The following CACNA1C variants were observed in gnomAD, a reference collection of about 807,000 sequenced individuals.
CACNA1C encodes the protein voltage-dependent L-type calcium channel subunit alpha-1C.
In CACNA1C, 30 loss-of-function variants were observed where a neutral mutation model predicts 229.0. That is an observed-to-expected ratio of 0.13 (90% CI 0.10 to 0.18). The LOEUF is 0.18. Among genes scored for constraint, CACNA1C ranks in the 10% least tolerant of loss-of-function variants. The pLI, the probability that CACNA1C is intolerant of heterozygous loss-of-function variation, is 1.00. For missense variants in CACNA1C, 1,658 were observed against 2,845.0 expected, an observed-to-expected ratio of 0.58 and a Z score of 9.49; for synonymous variants, 1,114 against 1,132.5, an observed-to-expected ratio of 0.98 and a Z score of 0.33.
chr12:2,379,845 A>C (rs1382318660), intron 3 of CACNA1C, among the ~76,000 whole-genome samples: 1 of 150,830 alleles, frequency 6.6e-6, no homozygotes, highest in Non-Finnish European at 1.5e-5. Flanking sequence ...TCCCGGCTAA[A>C]ACGGTGAAAC....
chr12:2,171,800 G>A (rs767036095), intron 3 of CACNA1C, among the ~76,000 whole-genome samples: 1 of 152,156 alleles, frequency 6.6e-6, no homozygotes. Flanking sequence ...AGGGGCATGC[G>A]ACTATCTCAG....
chr12:2,256,205 A>T (rs951751443), intron 3 of CACNA1C, among the ~76,000 whole-genome samples: 1 of 152,174 alleles, frequency 6.6e-6, no homozygotes, highest in African/African-American at 2.4e-5. Flanking sequence ...CCTGGAGGCT[A>T]AGCCCAGGAA....
At chr12:2,519,207 TG>T (rs1266928909) in intron 9 of CACNA1C, among the ~76,000 whole-genome samples, 14 of 152,342 alleles carry the variant, frequency 9.2e-5, no homozygotes, top group African/African-American at 3.4e-4. Context: ...AGGTCCTTCT[TG>T]GGGCTGCCTT....
At chr12:1,984,832 T>C (rs2037220169) in intron 1 of CACNA1C, among the ~76,000 whole-genome samples, 1 of 148,706 alleles carries the variant, frequency 6.7e-6, no homozygotes, top group African/African-American at 2.5e-5. Flanking sequence ...TATCAGAGTA[T>C]ATGTCTTTAT....
chr12:2,681,903 A>G (rs745425229), intron 42 of CACNA1C: 1 of 1,045,508 alleles, frequency 9.6e-7, no homozygotes, highest in Non-Finnish European at 1.5e-6. Context: ...AGGAAAAGGA[A>G]GAGGCCTTGG....
At position 2,549,971 on chromosome 12, in the gene CACNA1C, C is replaced by T. The variant is rs368065584; in HGVS notation, c.1419C>T (p.Ser473=). Residue 473 remains serine, a synonymous_variant, in exon 10 of 47, where the codon TCC becomes TCT. Coordinates refer to ENST00000399655, the MANE Select transcript of CACNA1C (RefSeq NM_000719.7). ...NMSMPTSETE[S]VNTENVAGGD... is the part of the protein sequence containing the mutation. ...GCATGCCCACCAGTGAGACCGAGTC[C>T]GTCAACACCGAAAACGTGGCTGGAG... 2.2e-4 allele frequency: 361 copies of T among 1,606,938 alleles called. No homozygotes were observed. The highest frequency in any genetic ancestry group is 2.8e-4 in the Non-Finnish European group (326 of 1,176,828).
At chr12:2,020,969 G>A (rs908315499) in intron 1 of CACNA1C, among the ~76,000 whole-genome samples, 2 of 152,096 alleles carry the variant, frequency 1.3e-5, no homozygotes, top group Non-Finnish European at 2.9e-5. Flanking sequence ...ACTTCTTGGG[G>A]CCATACATGA....
chr12:2,547,208 C>A (rs1302295746), intron 9 of CACNA1C, among the ~76,000 whole-genome samples: 1 of 152,200 alleles, frequency 6.6e-6, no homozygotes, highest in Non-Finnish European at 1.5e-5. Flanking sequence ...TTCCTTCTCT[C>A]CAGGGTCCAT....
At position 2,346,875 on chromosome 12, in the gene CACNA1C, G is replaced by T. The variant is rs1411496502; in HGVS notation, c.478-102101G>T. Among the ~76,000 whole-genome samples, 1 of 152,176 alleles carries T rather than the reference G, an allele frequency of 6.6e-6. No individual in the cohort carries two copies. The highest frequency in any genetic ancestry group is 1.5e-5 in the Non-Finnish European group (1 of 68,026). On this transcript the variant is annotated intron_variant, in intron 3 of 46. Coordinates refer to ENST00000399655, the MANE Select transcript of CACNA1C (RefSeq NM_000719.7). The surrounding 1 kb of genome is among the most constrained non-coding windows in gnomAD (Gnocchi z 4.4). The stretch of plus-strand genomic sequence containing the variant: ...CTCACTCACCTCCAAGGCTTGTTAG[G>T]GGTGCCATGATTTGAACCATCTCAC...
intron 34 of CACNA1C, chr12:2,660,640 A>G (rs2095663529): frequency 6.6e-6 from 1 of 152,240 alleles, no homozygotes; most frequent in East Asian, 1.9e-4. Flanking sequence ...CCTGGCCAAG[A>G]TGGTGAAACC....
intron 3 of CACNA1C, among the ~76,000 whole-genome samples, chr12:2,298,650 C>T (rs983029801): frequency 6.6e-6 from 1 of 152,210 alleles, no homozygotes; most frequent in Admixed American, 6.5e-5. Flanking sequence ...TTTATGTCTG[C>T]CCTGGCATTC....
At chr12:2,481,761 G>T (rs563483274) in intron 5 of CACNA1C, among the ~76,000 whole-genome samples, 76 of 152,360 alleles carry the variant, frequency 5.0e-4, no homozygotes, top group African/African-American at 1.8e-3. Flanking sequence ...AAGTACACAT[G>T]TGTTTGTCAG....
intron 3 of CACNA1C, among the ~76,000 whole-genome samples, chr12:2,430,576 G>T (rs2099072638): frequency 8.2e-6 from 1 of 122,320 alleles, no homozygotes; most frequent in South Asian, 2.4e-4. Context: ...GGGAGGTGGT[G>T]GGGGGGTCCG....
chr12:2,313,686 G>A (rs1490649771), intron 3 of CACNA1C, among the ~76,000 whole-genome samples: 1 of 152,122 alleles, frequency 6.6e-6, no homozygotes, highest in Non-Finnish European at 1.5e-5. Context: ...ACACATGCTG[G>A]TTCCCTCCCT....
chr12:2,522,085 C>T (rs1228876326), intron 9 of CACNA1C, among the ~76,000 whole-genome samples: 1 of 152,218 alleles, frequency 6.6e-6, no homozygotes, highest in Admixed American at 6.5e-5. Context: ...CCTACAGCAC[C>T]TGTTTCCTCC....
intron 29 of CACNA1C, among the ~76,000 whole-genome samples, chr12:2,618,428 C>G (rs891131329): frequency 3.3e-5 from 5 of 152,214 alleles, no homozygotes; most frequent in Non-Finnish European, 5.9e-5. Flanking sequence ...GAAACAGCCA[C>G]AGGAGAAGAG....
At chr12:2,370,991 A>G (rs1193022986) in intron 3 of CACNA1C, among the ~76,000 whole-genome samples, 1 of 152,206 alleles carries the variant, frequency 6.6e-6, no homozygotes, top group African/African-American at 2.4e-5. Context: ...GAGGGACCCC[A>G]GGGGAACCAT....
chr12:2,533,611 G>A (rs1181490789), intron 9 of CACNA1C, among the ~76,000 whole-genome samples: 3 of 152,216 alleles, frequency 2.0e-5, no homozygotes, highest in Non-Finnish European at 4.4e-5. Context: ...GCAGAGGTGT[G>A]CTCTCTGGGA....
chr12:2,083,278 T>G (rs2066360787), intron 1 of CACNA1C, among the ~76,000 whole-genome samples: 1 of 152,248 alleles, frequency 6.6e-6, no homozygotes, highest in African/African-American at 2.4e-5. Flanking sequence ...GGCTTGCTGC[T>G]GATGGAAGCC....
Sources: allele counts gnomAD v4.1 joint callset (sites outside exome capture counted in the v4.1 genomes callset), GRCh38; gene constraint gnomAD v4.1.1; non-coding constraint Gnocchi (gnomAD v3.1); transcripts MANE v1.5; gene names NCBI Gene and HGNC (gene_info 2026-07-23, HGNC 2026-07-21).